The following TBCB variants were observed in gnomAD, a reference collection of about 807,000 sequenced individuals.
The protein encoded by TBCB is tubulin-folding cofactor B.
Under a neutral mutation model 29.2 loss-of-function variants are expected in TBCB, and 18 were observed. That is an observed-to-expected ratio of 0.62 (90% CI 0.43 to 0.91). The LOEUF (loss-of-function observed/expected upper bound fraction) is 0.91. TBCB is among the 40% of genes least tolerant of loss of function. The probability of loss-of-function intolerance (pLI) is 0.00; values close to 1 mark genes in which losing one functional copy is unlikely to be tolerated. For synonymous variants in TBCB, 172 were observed against 137.8 expected (o/e 1.25, Z -1.74); for missense variants, 336 against 337.6 (o/e 1.00, Z 0.04).
At chr19:36,117,404 GT>G (rs1973974093) in intron 2 of TBCB, among the ~76,000 whole-genome samples, 1 of 152,186 alleles carries the variant, frequency 6.6e-6, no homozygotes, top group Admixed American at 6.5e-5. Context: ...GAATGCAGTG[GT>G]GTGATCTCAG....
intron 3 of TBCB, 49 bp downstream of exon 3, chr19:36,120,855 G>A (rs772302217): frequency 1.1e-5 from 17 of 1,585,674 alleles, no homozygotes; most frequent in Admixed American, 1.7e-5. Context: ...GAGGGAGTAT[G>A]TGCAGGTATG....
rs1974047718 is a variant in TBCB, at chr19:36,121,457, T to A, written c.356-70T>A. On this transcript the variant is annotated intron_variant, in intron 3 of 5. Transcript: ENST00000221855. The stretch of plus-strand genomic sequence containing the variant: ...GAGTTCCTCCGTGAACGTGGGCCCC[T>A]CGTGGGTGGAGCGTCATCCTGTTAG... 2.7e-6 allele frequency: 4 copies of A among 1,485,242 alleles called. No homozygotes were observed. The Admixed American group carries it at 9.0e-5, about 33-fold the overall frequency. 92.0% of individuals were successfully genotyped at this position (1,485,242 alleles called of 1,614,324 possible).
Position 36,120,751 on chromosome 19 carries a change from C to T in TBCB, c.300C>T (p.Asp100=), listed in dbSNP as rs138844822. 9.9e-6 allele frequency: 16 copies of T among 1,613,880 alleles called. No individual in the cohort carries two copies. In the African/African-American group the frequency reaches 1.2e-4, roughly 12 times the overall value. ...GCGCCCGCCTTGGTGAGTATGAGGA[C>T]GTGTCCCGGGTGGAGAAGTACACGA... ...HSGARLGEYE[D]VSRVEKYTIS... The change falls in exon 3 of 6, where the codon GAC becomes GAT. Residue 100 remains aspartate (D), a synonymous_variant. Transcript: ENST00000221855.
chr19:36,124,287 C>T (rs1179672432), intron 4 of TBCB, among the ~76,000 whole-genome samples: 1 of 152,162 alleles, frequency 6.6e-6, no homozygotes, highest in Non-Finnish European at 1.5e-5. Flanking sequence ...CAGTGGTGCT[C>T]TCAGCTCACT....
chr19:36,116,394 G>GCA, intron 2 of TBCB: 1 of 555,356 alleles, frequency 1.8e-6, no homozygotes, highest in South Asian at 3.0e-5. Context: ...GGGGACTGGA[G>GCA]CCACCAAGAA....
intron 4 of TBCB, among the ~76,000 whole-genome samples, chr19:36,123,015 G>A (rs1285485432): frequency 1.3e-5 from 2 of 152,058 alleles, no homozygotes; most frequent in Admixed American, 6.6e-5. Context: ...CTAATTTGCC[G>A]ATTCTGGATG....
chr19:36,116,229 T>G (rs767305846), intron 2 of TBCB, 45 bp downstream of exon 2: 1 of 1,603,146 alleles, frequency 6.2e-7, no homozygotes. Context: ...CACCTTTCAT[T>G]TGGTTATTCA....
intron 2 of TBCB, among the ~76,000 whole-genome samples, chr19:36,119,555 C>CTCA (rs1396974697): frequency 6.6e-6 from 1 of 152,218 alleles, no homozygotes; most frequent in African/African-American, 2.4e-5. Flanking sequence ...GCCCTCCTAG[C>CTCA]TCAGAGCCCT....
chr19:36,119,361 G>GCT (rs1974006709), intron 2 of TBCB, among the ~76,000 whole-genome samples: 1 of 151,954 alleles, frequency 6.6e-6, no homozygotes, highest in Non-Finnish European at 1.5e-5. Context: ...CCTTGGGCCC[G>GCT]CTCTCTCCCT....
intron 2 of TBCB, 110 bp downstream of exon 2, chr19:36,116,294 G>C: frequency 6.3e-6 from 9 of 1,433,654 alleles, no homozygotes; most frequent in Non-Finnish European, 8.6e-6. Flanking sequence ...TCCTGCCTTC[G>C]TGGAGCCTCC....
intron 2 of TBCB, chr19:36,120,502 G>A: frequency 1.8e-6 from 1 of 561,208 alleles, no homozygotes. Flanking sequence ...CAGCCTCTGG[G>A]AGCTTGGATG....
chr19:36,116,015 C>A, intron 1 of TBCB, 26 bp from the exon 2 acceptor site: 2 of 1,605,648 alleles, frequency 1.2e-6, no homozygotes, highest in Non-Finnish European at 1.7e-6. Context: ...TGGCCTCCTT[C>A]TTCTCACCCT....
At chr19:36,125,195 C>T (rs997617677) in intron 4 of TBCB, among the ~76,000 whole-genome samples, 1 of 152,186 alleles carries the variant, frequency 6.6e-6, no homozygotes, top group African/African-American at 2.4e-5. Flanking sequence ...TTTTACAAAG[C>T]CCTCACTGGC....
intron 3 of TBCB, among the ~76,000 whole-genome samples, chr19:36,121,257 G>A (rs1195769301): frequency 6.6e-6 from 1 of 151,950 alleles, no homozygotes; most frequent in African/African-American, 2.4e-5. Flanking sequence ...GGCGGATGAT[G>A]AAGGCAGATG....
At chr19:36,123,541 A>G (rs997980530) in intron 4 of TBCB, among the ~76,000 whole-genome samples, 5 of 151,962 alleles carry the variant, frequency 3.3e-5, no homozygotes, top group African/African-American at 1.2e-4. Context: ...CTGGGATTAC[A>G]GGTGTGAGCC....
chr19:36,123,254 C>T (rs928355469), intron 4 of TBCB, among the ~76,000 whole-genome samples: 7 of 131,416 alleles, frequency 5.3e-5, no homozygotes, highest in South Asian at 2.4e-4. Context: ...GAACCTTCTT[C>T]TTTTTTTTTT....
chr19:36,117,334 G>A lies in TBCB; in HGVS notation c.258+1150G>A, dbSNP rs531419400. 9.2e-5 allele frequency among the ~76,000 whole-genome samples: 14 copies of A among 152,226 alleles called. No homozygotes were observed. The South Asian group carries it at 1.9e-3, about 20-fold the overall frequency. ...GTGCCTGGGACAGGGAGGATAGTCC[G>A]TGAATCGTTTTTTGTTTTGTTTTGT... On this transcript the variant is annotated intron_variant, in intron 2 of 5. Coordinates refer to ENST00000221855, the MANE Select transcript of TBCB (RefSeq NM_001281.3).
intron 2 of TBCB, 109 bp downstream of exon 2, chr19:36,116,293 C>T: frequency 7.0e-7 from 1 of 1,430,322 alleles, no homozygotes; most frequent in Non-Finnish European, 9.5e-7. Flanking sequence ...GTCCTGCCTT[C>T]GTGGAGCCTC....
At chr19:36,117,504 C>T (rs62111380) in intron 2 of TBCB, among the ~76,000 whole-genome samples, 16,048 of 152,034 alleles carry the variant, frequency 0.11, 1,147 homozygotes, top group Non-Finnish European at 0.16. Flanking sequence ...ACCACCACGC[C>T]TGGCTAATTT....
Sources: gnomAD v4.1 joint callset for allele counts (sites outside exome capture counted in the v4.1 genomes callset) on GRCh38, gnomAD v4.1.1 for gene constraint, MANE v1.5 for transcripts, NCBI Gene and HGNC (gene_info 2026-07-23, HGNC 2026-07-21) for gene names.